Variants in FOXJ3 observed in about 807,000 individuals in gnomAD.
The protein encoded by FOXJ3 is forkhead box protein J3.
In FOXJ3, 22 loss-of-function variants were observed where a neutral mutation model predicts 76.1. The observed-to-expected ratio is 0.29, with a 90% CI of 0.21 to 0.41. FOXJ3 has a LOEUF of 0.41. FOXJ3 is among the 10% of genes least tolerant of loss of function. The pLI is 1.00. For missense variants in FOXJ3, 613 were observed against 762.1 expected, an observed-to-expected ratio of 0.80 and a Z score of 2.30; for synonymous variants, 269 against 261.2, an observed-to-expected ratio of 1.03 and a Z score of -0.29.
At chr1:42,326,690 G>A (rs997982756) in intron 1 of FOXJ3, among the ~76,000 whole-genome samples, 3 of 152,174 alleles carry the variant, frequency 2.0e-5, no homozygotes, top group African/African-American at 7.2e-5. Flanking sequence ...AAGTAAAAAT[G>A]CTTCCAATGA....
chr1:42,315,030 T>C (rs1034094049), intron 1 of FOXJ3, among the ~76,000 whole-genome samples: 4 of 152,242 alleles, frequency 2.6e-5, no homozygotes, highest in African/African-American at 7.2e-5. Flanking sequence ...TACTTTTACA[T>C]GCTACCACAT....
At chr1:42,183,298 C>CGGGGCGGGGTG (rs1646363136) in intron 11 of FOXJ3, among the ~76,000 whole-genome samples, 1 of 18,498 alleles carries the variant, frequency 5.4e-5, no homozygotes, top group Non-Finnish European at 1.0e-4. Context: ...GCGGAGGGGG[C>CGGGGCGGGGTG]GGGGCGGGGT....
chr1:42,281,408 G>A (rs1367037296), intron 2 of FOXJ3, among the ~76,000 whole-genome samples: 3 of 152,022 alleles, frequency 2.0e-5, no homozygotes, highest in African/African-American at 7.2e-5. Context: ...GCTAAGTGAA[G>A]ATTGACTTAG....
chr1:42,209,485 A>T (rs1442680012), intron 5 of FOXJ3, among the ~76,000 whole-genome samples: 5 of 152,334 alleles, frequency 3.3e-5, no homozygotes, highest in Admixed American at 2.6e-4. Context: ...ACACCATGAA[A>T]CAGGTAGAAA....
intron 6 of FOXJ3, among the ~76,000 whole-genome samples, chr1:42,200,333 T>C (rs1186401865): frequency 6.6e-6 from 1 of 152,214 alleles, no homozygotes; most frequent in African/African-American, 2.4e-5. Flanking sequence ...CAAGGCCTTG[T>C]TTTCTATTGC....
chr1:42,199,007 T>C, intron 7 of FOXJ3, 95 bp downstream of exon 7: 3 of 984,170 alleles, frequency 3.0e-6, no homozygotes, highest in Non-Finnish European at 4.6e-6. Context: ...GAGAAAAACA[T>C]ACCTTCATTT....
chr1:42,324,101 T>TGGATATACACA (rs1655619100), intron 1 of FOXJ3, among the ~76,000 whole-genome samples: 1 of 22,740 alleles, frequency 4.4e-5, no homozygotes, highest in Admixed American at 6.7e-4. Context: ...GTATATATAC[T>TGGATATACACA]GTGTATATAC....
chr1:42,277,107 G>C (rs1215041295), intron 3 of FOXJ3, among the ~76,000 whole-genome samples: 1 of 151,784 alleles, frequency 6.6e-6, no homozygotes, highest in Non-Finnish European at 1.5e-5. Context: ...TATTGCTTTT[G>C]CAACTCTTGC....
chr1:42,292,815 T>G (rs1653528548), intron 2 of FOXJ3, among the ~76,000 whole-genome samples: 1 of 152,140 alleles, frequency 6.6e-6, no homozygotes, highest in Admixed American at 6.5e-5. Context: ...AACAAATATT[T>G]GTGGGCTCAG....
chr1:42,226,196 G>C lies in FOXJ3; in HGVS notation c.528+1687C>G, dbSNP rs571958100. Among the ~76,000 whole-genome samples the C allele has an allele frequency of 1.6e-4, 24 of 151,872 alleles. No homozygotes were observed. In the South Asian group the frequency reaches 5.0e-3, roughly 32 times the overall value. ...ATTAAGCCTACTTTAAAAGGCAAAG[G>C]CTAGGTATAAGCTGAGAGGAGTGCT... On this transcript the variant is annotated intron_variant, in intron 5 of 12. Coordinates refer to ENST00000361346, the MANE Select transcript of FOXJ3 (RefSeq NM_014947.5).
chr1:42,219,083 C>T (rs532096445), intron 5 of FOXJ3, among the ~76,000 whole-genome samples: 1 of 152,252 alleles, frequency 6.6e-6, no homozygotes, highest in African/African-American at 2.4e-5. Context: ...CTCTCTTTTC[C>T]ACAGTTTCAC....
chr1:42,303,639 G>A (rs906763817), intron 2 of FOXJ3, among the ~76,000 whole-genome samples: 3 of 152,098 alleles, frequency 2.0e-5, no homozygotes, highest in South Asian at 2.1e-4. Context: ...AATAATAAAA[G>A]GCATCTTTAA....
chr1:42,277,976 C>CA (rs755384247), intron 3 of FOXJ3, among the ~76,000 whole-genome samples: 1,161 of 50,020 alleles, frequency 0.023, 17 homozygotes, highest in African/African-American at 0.027. Flanking sequence ...GACTCCATCT[C>CA]AAAAAAAAAA....
chr1:42,206,147 C>T (rs1428566586), intron 5 of FOXJ3: 5 of 338,452 alleles, frequency 1.5e-5, no homozygotes, highest in African/African-American at 1.1e-4. Context: ...GCTAATGATC[C>T]CCTAATATCC....
intron 2 of FOXJ3, among the ~76,000 whole-genome samples, chr1:42,301,785 G>A (rs553209963): frequency 6.6e-6 from 1 of 152,222 alleles, no homozygotes; most frequent in African/African-American, 2.4e-5. Flanking sequence ...CCAACATTCT[G>A]AATTCTTTAT....
intron 3 of FOXJ3, among the ~76,000 whole-genome samples, chr1:42,275,247 C>CA (rs915160874): frequency 6.6e-6 from 1 of 152,084 alleles, no homozygotes; most frequent in African/African-American, 2.4e-5. Context: ...ATGAAAAAGG[C>CA]AAAAGTGTTG....
chr1:42,332,238 T>C (rs1005879811), intron 1 of FOXJ3, among the ~76,000 whole-genome samples: 1 of 152,174 alleles, frequency 6.6e-6, no homozygotes, highest in Non-Finnish European at 1.5e-5. Context: ...ATTATACTAC[T>C]ACCCTCCCAA....
At chr1:42,184,990 A>T (rs1646405465) in intron 11 of FOXJ3, among the ~76,000 whole-genome samples, 1 of 152,110 alleles carries the variant, frequency 6.6e-6, no homozygotes, top group South Asian at 2.1e-4. Flanking sequence ...AGAAATAATC[A>T]GTGATCAGAT....
intron 1 of FOXJ3, among the ~76,000 whole-genome samples, chr1:42,316,589 C>T (rs1258974368): frequency 1.3e-5 from 2 of 152,004 alleles, no homozygotes; most frequent in African/African-American, 4.8e-5. Context: ...ACTGGAATCC[C>T]AACTATTGAC....
Sources: allele counts gnomAD v4.1 joint callset (sites outside exome capture counted in the v4.1 genomes callset), GRCh38; gene constraint gnomAD v4.1.1; transcripts MANE v1.5; gene names NCBI Gene and HGNC (gene_info 2026-07-23, HGNC 2026-07-21).